The following GPR149 variants were observed in gnomAD, a reference collection of about 807,000 sequenced individuals.
The protein encoded by GPR149 is probable G protein-coupled receptor 149.
Under a neutral mutation model 50.2 loss-of-function variants are expected in GPR149, and 50 were observed. The ratio of observed to expected loss-of-function variants is 1.00; its 90% CI spans 0.79 to 1.26. The LOEUF (loss-of-function observed/expected upper bound fraction) is 1.26, where lower values mean the gene tolerates loss of function less well. GPR149 is among the 50% of genes most tolerant of loss of function. The pLI, the probability that GPR149 is intolerant of heterozygous loss-of-function variation, is 0.00. For synonymous variants in GPR149, 405 were observed against 358.2 expected (o/e 1.13, Z -1.48); for missense variants, 983 against 895.4 (o/e 1.10, Z -1.25).
chr3:154,380,174 G>C (rs980386332), intron 3 of GPR149, among the ~76,000 whole-genome samples: 2 of 114,878 alleles, frequency 1.7e-5, no homozygotes, highest in East Asian at 2.2e-4. Context: ...GACAGAGAGA[G>C]AGAGAGAGAG....
Position 154,401,716 on chromosome 3 carries a change from T to C in GPR149, c.1623+19323A>G, listed in dbSNP as rs749076739. Among the ~76,000 whole-genome samples, 131 of 152,210 alleles carry C rather than the reference T, an allele frequency of 8.6e-4. 1 individual carries two copies. The highest frequency in any genetic ancestry group is 1.0e-3 in the Non-Finnish European group (68 of 68,012). On this transcript the variant is annotated intron_variant, in intron 3 of 3. Coordinates refer to ENST00000389740, the MANE Select transcript of GPR149 (RefSeq NM_001038705.3). ...CAAGACTGCAATTTTGGCTGTATAA[T>C]CATAAGTGATGCAGTTAAGGGATAA...
At chr3:154,391,339 A>T (rs549354884) in intron 3 of GPR149, among the ~76,000 whole-genome samples, 2 of 152,046 alleles carry the variant, frequency 1.3e-5, no homozygotes, top group South Asian at 4.1e-4. Flanking sequence ...GTAAAAGTGT[A>T]GCTTTTGTAT....
chr3:154,341,333 AT>A (rs1559968384), intron 3 of GPR149, among the ~76,000 whole-genome samples: 11 of 103,854 alleles, frequency 1.1e-4, no homozygotes, highest in African/African-American at 3.6e-4. Context: ...ATATATATAT[AT>A]ATATATAAAA....
intron 3 of GPR149, among the ~76,000 whole-genome samples, chr3:154,414,139 T>C (rs925847697): frequency 3.3e-5 from 5 of 151,816 alleles, no homozygotes; most frequent in African/African-American, 1.2e-4. Context: ...GAATGATACA[T>C]TGGACTTTGG....
At chr3:154,369,865 T>A (rs1248776817) in intron 3 of GPR149, among the ~76,000 whole-genome samples, 8 of 152,202 alleles carry the variant, frequency 5.3e-5, no homozygotes, top group Admixed American at 1.3e-4. Context: ...AGCCCGGCAA[T>A]TTGGGGATCT....
Position 154,429,624 on chromosome 3 carries a change from G to C in GPR149, c.-9C>G, listed in dbSNP as rs2108434433. On this transcript the variant is annotated 5_prime_UTR_variant, in exon 1 of 4. Transcript: ENST00000389740. ...CTGAGAAATAAAGACATTGTCCTTG[G>C]TCAATATTTAATTTCCCTTATCAAT... The C allele has an allele frequency of 6.2e-7, 1 of 1,600,486 alleles. No individual in the cohort carries two copies. Among genetic ancestry groups the C allele is most frequent in the Non-Finnish European group, 8.5e-7 (1 of 1,171,956 alleles).
At chr3:154,345,764 T>G (rs998822625) in intron 3 of GPR149, among the ~76,000 whole-genome samples, 1 of 152,144 alleles carries the variant, frequency 6.6e-6, no homozygotes, top group Non-Finnish European at 1.5e-5. Context: ...CCTAAGAAGG[T>G]GAAGTAGTCT....
chr3:154,360,350 A>C (rs927602560), intron 3 of GPR149, among the ~76,000 whole-genome samples: 5 of 152,248 alleles, frequency 3.3e-5, no homozygotes, highest in African/African-American at 1.2e-4. Flanking sequence ...AACTGCTGGC[A>C]GTTTAACAAG....
rs1713633687 is a variant in GPR149 at position 154,335,497 on chromosome 3, T to C, written c.*2202A>G. On this transcript the variant is annotated 3_prime_UTR_variant, in exon 4 of 4. Transcript: ENST00000389740. The stretch of plus-strand genomic sequence containing the variant: ...TTAGTAATATGGTGCTGATTAGCCT[T>C]TCAAACTAAGACTTTGGGCTAAATA... The C allele has an allele frequency of 6.6e-6, 1 of 152,166 alleles. No individual in the cohort carries two copies. Among genetic ancestry groups the C allele is most frequent in the Non-Finnish European group, 1.5e-5 (1 of 67,988 alleles). 9.4% of individuals were successfully genotyped at this position (152,166 alleles called of 1,614,324 possible).
chr3:154,385,970 G>T (rs1231623451), intron 3 of GPR149, among the ~76,000 whole-genome samples: 1 of 151,986 alleles, frequency 6.6e-6, no homozygotes, highest in East Asian at 1.9e-4. Flanking sequence ...CAAAGTGCTG[G>T]GATTACAGGC....
At chr3:154,339,619 G>A (rs1713739060) in intron 3 of GPR149, among the ~76,000 whole-genome samples, 1 of 152,070 alleles carries the variant, frequency 6.6e-6, no homozygotes, top group African/African-American at 2.4e-5. Context: ...GGGGCAGTGG[G>A]AGATTGATCA....
intron 3 of GPR149, among the ~76,000 whole-genome samples, chr3:154,400,047 C>T (rs1711511492): frequency 6.6e-6 from 1 of 152,084 alleles, no homozygotes; most frequent in Non-Finnish European, 1.5e-5. Context: ...AGTGCGGTGG[C>T]GCGATCTCGG....
chr3:154,376,724 T>C (rs1051470694), intron 3 of GPR149, among the ~76,000 whole-genome samples: 9 of 152,170 alleles, frequency 5.9e-5, no homozygotes, highest in Admixed American at 2.6e-4. Flanking sequence ...ATGTCTATTA[T>C]AACATGGAAG....
At position 154,429,554 on chromosome 3, in the gene GPR149, TTA is replaced by T; in HGVS notation, c.60_61del (p.His20GlnfsTer58). On this transcript the variant is annotated frameshift_variant, in exon 1 of 4. Coordinates refer to ENST00000389740, the MANE Select transcript of GPR149 (RefSeq NM_001038705.3). LOFTEE classifies it high-confidence loss of function. The stretch of plus-strand genomic sequence containing the variant: ...TGGCGGATTTAAAAGGTCCGTAGAA[TTA>T]TGATTCTCTTTCCACAGGCTAGAGT... The T allele has an allele frequency of 6.2e-7, 1 of 1,614,024 alleles. No homozygotes were observed. The highest frequency in any genetic ancestry group is 8.5e-7 in the Non-Finnish European group (1 of 1,179,856).
chr3:154,341,984 A>T (rs1713809008), intron 3 of GPR149, among the ~76,000 whole-genome samples: 1 of 152,234 alleles, frequency 6.6e-6, no homozygotes, highest in Non-Finnish European at 1.5e-5. Flanking sequence ...TTAATCAAAT[A>T]AACTTCTTAC....
chr3:154,357,503 C>T (rs1261875288), intron 3 of GPR149, among the ~76,000 whole-genome samples: 8 of 151,902 alleles, frequency 5.3e-5, no homozygotes, highest in Non-Finnish European at 8.8e-5. Context: ...ACAACCAACC[C>T]CATCAAAAAG....
At chr3:154,412,282 C>T (rs772757591) in intron 3 of GPR149, among the ~76,000 whole-genome samples, 5 of 152,086 alleles carry the variant, frequency 3.3e-5, no homozygotes, top group Admixed American at 2.6e-4. Context: ...ACCCCTGAGA[C>T]GTGGAACAAG....
intron 3 of GPR149, among the ~76,000 whole-genome samples, chr3:154,412,142 G>A (rs1711853753): frequency 1.3e-5 from 2 of 151,924 alleles, no homozygotes. Context: ...TTTGACAAAA[G>A]TCCAGCATCT....
At chr3:154,382,691 A>G (rs1326941474) in intron 3 of GPR149, among the ~76,000 whole-genome samples, 1 of 152,216 alleles carries the variant, frequency 6.6e-6, no homozygotes, top group Admixed American at 6.5e-5. Context: ...ATGTTCCTGA[A>G]GAATAGGTTC....
Sources: allele counts gnomAD v4.1 joint callset (sites outside exome capture counted in the v4.1 genomes callset), GRCh38; gene constraint gnomAD v4.1.1; transcripts MANE v1.5; gene names NCBI Gene and HGNC (gene_info 2026-07-23, HGNC 2026-07-21).